FZD4: variants seen among roughly 807,000 people sequenced by gnomAD.
The protein encoded by FZD4 is frizzled-4.
Under a neutral mutation model 37.3 loss-of-function variants are expected in FZD4, and 16 were observed. That is an observed-to-expected ratio of 0.43 (90% CI 0.29 to 0.65). The LOEUF (loss-of-function observed/expected upper bound fraction) is 0.65, where lower values mean the gene tolerates loss of function less well. FZD4 is among the 30% of genes least tolerant of loss of function. The pLI is 0.16. For synonymous variants in FZD4, 246 were observed against 254.8 expected, an observed-to-expected ratio of 0.97 and a Z score of 0.33; for missense variants, 599 against 674.3, an observed-to-expected ratio of 0.89 and a Z score of 1.24.
In FZD4 at chr11:86,953,420, A is replaced by G. The variant is rs535089281; in HGVS notation, c.286-950T>C. 4.6e-5 allele frequency among the ~76,000 whole-genome samples: 7 copies of G among 152,314 alleles called. No individual in the cohort carries two copies. The East Asian group carries it at 1.3e-3, about 29-fold the overall frequency. On this transcript the variant is annotated intron_variant, in intron 1 of 1. Transcript: ENST00000531380. ...CTGAGAGCTGGAGGATCATTTCTTA[A>G]GCTTTTATAACCTAGTTCTAAAGTT... is the stretch of plus-strand genomic sequence containing the variant.
chr11:86,954,016 C>T (rs1274594017), intron 1 of FZD4: 1 of 155,668 alleles, frequency 6.4e-6, no homozygotes, highest in Admixed American at 6.5e-5. Flanking sequence ...CCAACCCAAA[C>T]ATAACCAATG....
chr11:86,951,080 T>A lies in FZD4; in HGVS notation c.*62A>T. On this transcript the variant is annotated 3_prime_UTR_variant, in exon 2 of 2. Coordinates refer to ENST00000531380, the MANE Select transcript of FZD4 (RefSeq NM_012193.4). ...TCACTGCATAAAACTTTTAGTAGAA[T>A]TTCCTCCAAAATGCTGGCATTCCCC... The A allele has an allele frequency of 1.3e-6, 2 of 1,565,644 alleles. No homozygotes were observed. Among genetic ancestry groups the A allele is most frequent in the Non-Finnish European group, 1.8e-6 (2 of 1,136,150 alleles).
At chr11:86,953,763 C>A (rs1949314114) in intron 1 of FZD4, among the ~76,000 whole-genome samples, 1 of 152,066 alleles carries the variant, frequency 6.6e-6, no homozygotes, top group Non-Finnish European at 1.5e-5. Context: ...ATTACAGGCG[C>A]ACGCCACCAC....
rs1354620436 is a variant in FZD4, at chr11:86,947,962, T to G, written c.*3180A>C. On this transcript the variant is annotated 3_prime_UTR_variant, in exon 2 of 2. Coordinates refer to ENST00000531380, the MANE Select transcript of FZD4 (RefSeq NM_012193.4). ...TCTAGCAAGATGCTGTCCTCAAATA[T>G]ACCTATACAAGTCACATGGAATACC... The G allele has an allele frequency of 1.3e-5, 2 of 152,196 alleles. No individual in the cohort carries two copies. The highest frequency in any genetic ancestry group is 4.8e-5 in the African/African-American group (2 of 41,432). 9.4% of individuals were successfully genotyped at this position (152,196 alleles called of 1,614,324 possible).
rs1366545830 is a variant in FZD4, at chr11:86,947,260, T to A, written c.*3882A>T. The A allele has an allele frequency of 1.2e-5, 2 of 167,296 alleles. No homozygotes were observed. Among genetic ancestry groups the A allele is most frequent in the Non-Finnish European group, 2.6e-5 (2 of 78,232 alleles). The allele number at this position is 167,296 out of a possible 1,614,324, so 10.4% of individuals were successfully genotyped here. A position where few individuals can be genotyped will look rare whatever the true frequency, so the allele number is the denominator to read the frequency against. On this transcript the variant is annotated 3_prime_UTR_variant, in exon 2 of 2. Coordinates refer to ENST00000531380, the MANE Select transcript of FZD4 (RefSeq NM_012193.4). The stretch of plus-strand genomic sequence containing the variant: ...AACAAAAAAAAGGTTCCTTCCAAAG[T>A]CTGTGCTCAATGGCTCCCTTCCCTA...
In FZD4 at chr11:86,949,286, C is replaced by G. The variant is rs1397127692; in HGVS notation, c.*1856G>C. ...AAAAGGAAAGAAGAAAGGGAAATGT[C>G]AAACTATGGGCATAAGGCTCAAACC... On this transcript the variant is annotated 3_prime_UTR_variant, in exon 2 of 2. Coordinates refer to ENST00000531380, the MANE Select transcript of FZD4 (RefSeq NM_012193.4). 6.6e-6 allele frequency: 1 copy of G among 151,662 alleles called. No homozygotes were observed. The highest frequency in any genetic ancestry group is 2.4e-5 in the African/African-American group (1 of 41,254). The allele number at this position is 151,662 out of a possible 1,614,324, so 9.4% of individuals were successfully genotyped here.
In FZD4 at chr11:86,955,389, A is replaced by G. The variant is rs1949328539; in HGVS notation, c.-304T>C. 1 of 269,550 alleles carries G rather than the reference A, an allele frequency of 3.7e-6. No homozygotes were observed. Among genetic ancestry groups the G allele is most frequent in the Admixed American group, 5.4e-5 (1 of 18,466 alleles). 16.7% of individuals were successfully genotyped at this position (269,550 alleles called of 1,614,324 possible). A position where few individuals can be genotyped will look rare whatever the true frequency, so the allele number is the denominator to read the frequency against. On this transcript the variant is annotated 5_prime_UTR_variant, in exon 1 of 2. Transcript: ENST00000531380. Reference sequence around the variant, plus strand: ...GGCCAGCCAGCAGCCAGCGCTGCGCAGCTCTCACCGCCGGAGCCCTGCGCG... The same window carrying G: ...GGCCAGCCAGCAGCCAGCGCTGCGCGGCTCTCACCGCCGGAGCCCTGCGCG...
chr11:86,954,756 C>T, intron 1 of FZD4, 45 bp downstream of exon 1: 1 of 1,555,728 alleles, frequency 6.4e-7, no homozygotes, highest in Non-Finnish European at 8.7e-7. Flanking sequence ...TTTGGAGCGT[C>T]CCTCCCCAAG....
chr11:86,951,422 G>C lies in FZD4; in HGVS notation c.1334C>G (p.Thr445Arg), dbSNP rs1249137168. 1.2e-6 allele frequency: 2 copies of C among 1,613,244 alleles called. No homozygotes were observed. Among genetic ancestry groups the C allele is most frequent in the African/African-American group, 2.7e-5 (2 of 74,912 alleles). The change falls in exon 2 of 2, where the codon ACA (threonine) becomes AGA (arginine). Residue 445 changes from threonine to arginine, a missense_variant. Around this residue, in one of 3 missense-constraint regions of FZD4, gnomAD observed 203 missense variants for 196.8 expected, o/e 1.03. Transcript: ENST00000531380. ...VKIGVFSVLY[T>R]VPATCVIACY... ...GGCAATCACACACGTTGCAGGAACT[G>C]TGTACAGTACTGAGAACACCCCAAT... is the stretch of plus-strand genomic sequence containing the variant.
rs377443153 is a variant in FZD4, at chr11:86,952,404, C to T, written c.352G>A (p.Gly118Ser). 1.4e-5 allele frequency: 22 copies of T among 1,614,082 alleles called. No individual in the cohort carries two copies. The African/African-American group carries it at 2.1e-4, about 16-fold the overall frequency. ...EKINIPIGPC[G>S]GMCLSVKRRC... The stretch of plus-strand genomic sequence containing the variant: ...CTCTTGACTGAAAGACACATGCCGC[C>T]GCATGGGCCAATGGGGATGTTGATC... Residue 118 changes from glycine to serine, a missense_variant, in exon 2 of 2, where the codon GGC becomes AGC. Gly to Ser is a moderately conservative substitution (Grantham distance 56). Coordinates refer to ENST00000531380, the MANE Select transcript of FZD4 (RefSeq NM_012193.4).
intron 1 of FZD4, among the ~76,000 whole-genome samples, chr11:86,953,540 A>G (rs770783145): frequency 1.3e-5 from 2 of 152,184 alleles, no homozygotes; most frequent in African/African-American, 4.8e-5. Flanking sequence ...CCTATGTAAA[A>G]ACATGCACCT....
chr11:86,948,059 C>T lies in FZD4; in HGVS notation c.*3083G>A, dbSNP rs1949258430. ...TGTCCTTGTGGCCTACTCTCATAGTCTTCCTAAGGGATTTCTCCAGAGACT... is the reference window on the plus strand; with the variant it reads ...TGTCCTTGTGGCCTACTCTCATAGTTTTCCTAAGGGATTTCTCCAGAGACT... On this transcript the variant is annotated 3_prime_UTR_variant, in exon 2 of 2. Coordinates refer to ENST00000531380, the MANE Select transcript of FZD4 (RefSeq NM_012193.4). 1 of 150,096 alleles carries T rather than the reference C, an allele frequency of 6.7e-6. No homozygotes were observed. 9.3% of individuals were successfully genotyped at this position (150,096 alleles called of 1,614,324 possible). A position where few individuals can be genotyped will look rare whatever the true frequency, so the allele number is the denominator to read the frequency against.
At position 86,952,309 on chromosome 11, in the gene FZD4, T is replaced by C. The variant is rs760635095; in HGVS notation, c.447A>G (p.Pro149=). Residue 149 remains proline (P), a synonymous_variant, in exon 2 of 2, where the codon CCA becomes CCG. Coordinates refer to ENST00000531380, the MANE Select transcript of FZD4 (RefSeq NM_012193.4). ...ACATGTGGTTGTGGTCGTTCTGTGG[T>C]GGGAATTTGCTGCAGTTCAGACTCT... ...WPESLNCSKF[P]PQNDHNHMCM... 32 of 1,614,096 alleles carry C rather than the reference T, an allele frequency of 2.0e-5. No homozygotes were observed. The East Asian group carries it at 6.9e-4, about 35-fold the overall frequency.
Position 86,952,452 on chromosome 11 carries a change from A to C in FZD4, c.304T>G (p.Tyr102Asp). Residue 102 changes from tyrosine (Y) to aspartate (D), a missense_variant, in exon 2 of 2, where the codon TAT (tyrosine) becomes GAT (aspartate). Physicochemically the swap from Tyr to Asp is radical, Grantham distance 160 (BLOSUM62 -3). Transcript: ENST00000531380. ...SQLQFFLCSV[Y>D]VPMCTEKINI... ...ATCTTCTCTGTGCACATTGGCACAT[A>C]AACAGAACAAAGGAAGAACTGGAAA... The C allele has an allele frequency of 6.2e-7, 1 of 1,613,838 alleles. No individual in the cohort carries two copies. The highest frequency in any genetic ancestry group is 8.5e-7 in the Non-Finnish European group (1 of 1,179,982).
At position 86,955,372 on chromosome 11, in the gene FZD4, A is replaced by G. The variant is rs1949328332; in HGVS notation, c.-287T>C. 6.2e-6 allele frequency: 2 copies of G among 320,884 alleles called. No individual in the cohort carries two copies. Among genetic ancestry groups the G allele is most frequent in the Admixed American group, 1.0e-4 (2 of 19,682 alleles). The allele number at this position is 320,884 out of a possible 1,614,324, so 19.9% of individuals were successfully genotyped here. ...GTTCGGCGTCTCCGCGAGGCCAGCC[A>G]GCAGCCAGCGCTGCGCAGCTCTCAC... is the stretch of plus-strand genomic sequence containing the variant. On this transcript the variant is annotated 5_prime_UTR_variant, in exon 1 of 2. Coordinates refer to ENST00000531380, the MANE Select transcript of FZD4 (RefSeq NM_012193.4).
At chr11:86,952,755 G>GGAATGATC in intron 1 of FZD4, 1 of 258,970 alleles carries the variant, frequency 3.9e-6, no homozygotes, top group Admixed American at 4.9e-5. Context: ...AGCCCTCTTT[G>GGAATGATC]CACAACACTT....
rs1230016711 is a variant in FZD4 at position 86,951,198 on chromosome 11, CTCTCTT to C, written c.1552_1557del (p.Lys518_Arg519del). 6 of 1,614,004 alleles carry C rather than the reference CTCTCTT, an allele frequency of 3.7e-6. No homozygotes were observed. The highest frequency in any genetic ancestry group is 5.1e-6 in the Non-Finnish European group (6 of 1,179,950). On this transcript the variant is annotated inframe_deletion, in exon 2 of 2. Coordinates refer to ENST00000531380, the MANE Select transcript of FZD4 (RefSeq NM_012193.4). ...TTCACCCAACCATTTCCTCTCTTCT[CTCTCTT>C]TACCTTTCCAGAATTCACCAATCTG...
In FZD4 at chr11:86,949,403, A is replaced by G. The variant is rs1949270736; in HGVS notation, c.*1739T>C. On this transcript the variant is annotated 3_prime_UTR_variant, in exon 2 of 2. Transcript: ENST00000531380. ...TGGAAATGTTTTTCCACAAAGTGTG[A>G]TTGAAAAAAAAAAAAAGAAAAAAAA... The G allele has an allele frequency of 6.8e-6, 1 of 147,656 alleles. No individual in the cohort carries two copies. The highest frequency in any genetic ancestry group is 2.2e-4 in the South Asian group (1 of 4,558). 9.1% of individuals were successfully genotyped at this position (147,656 alleles called of 1,614,324 possible). A position where few individuals can be genotyped will look rare whatever the true frequency, so the allele number is the denominator to read the frequency against.
At position 86,947,231 on chromosome 11, in the gene FZD4, AAACAAC is replaced by A. The variant is rs1435008177; in HGVS notation, c.*3905_*3910del. ...CAAACAAACAAACAAACAAACAAAC[AAACAAC>A]AAAAAAAAGGTTCCTTCCAAAGTCT... On this transcript the variant is annotated 3_prime_UTR_variant, in exon 2 of 2. Transcript: ENST00000531380. 5 of 169,336 alleles carry A rather than the reference AAACAAC, an allele frequency of 3.0e-5. No homozygotes were observed. The highest frequency in any genetic ancestry group is 1.7e-4 in the East Asian group (1 of 5,746). The allele number at this position is 169,336 out of a possible 1,614,324, so 10.5% of individuals were successfully genotyped here. A position where few individuals can be genotyped will look rare whatever the true frequency, so the allele number is the denominator to read the frequency against.
Sources: gnomAD v4.1 joint callset for allele counts (sites outside exome capture counted in the v4.1 genomes callset) on GRCh38, gnomAD v4.1.1 for gene constraint, gnomAD v4.1.1 regional missense constraint, MANE v1.5 for transcripts, NCBI Gene and HGNC (gene_info 2026-07-23, HGNC 2026-07-21) for gene names.